Variants in TRPM6 observed in about 807,000 individuals in gnomAD.
The protein encoded by TRPM6 is channel kinase 2.
A neutral mutation model predicts 247.6 loss-of-function variants in TRPM6; 111 were observed. That is an observed-to-expected ratio of 0.45 (90% CI 0.38 to 0.52). TRPM6 has a LOEUF of 0.52. Among genes scored for constraint, TRPM6 ranks in the 20% least tolerant of loss-of-function variants. The pLI, the probability that TRPM6 is intolerant of heterozygous loss-of-function variation, is 0.00. For missense variants in TRPM6, 2,126 were observed against 2,421.5 expected (o/e 0.88, Z 2.56); for synonymous variants, 892 against 853.8 (o/e 1.04, Z -0.78).
chr9:74,782,614 A>G, intron 22 of TRPM6, 65 bp downstream of exon 22: 1 of 1,563,490 alleles, frequency 6.4e-7, no homozygotes, highest in Non-Finnish European at 8.8e-7. Context: ...TGTTTTTCAG[A>G]TGTATTTTAC....
chr9:74,758,548 G>C (rs1357969817), intron 27 of TRPM6, among the ~76,000 whole-genome samples: 1 of 152,072 alleles, frequency 6.6e-6, no homozygotes, highest in Non-Finnish European at 1.5e-5. Context: ...GATCACCTAA[G>C]TAGATACAGA....
At chr9:74,733,237 C>G (rs1372800015) in intron 36 of TRPM6, among the ~76,000 whole-genome samples, 1 of 151,350 alleles carries the variant, frequency 6.6e-6, no homozygotes, top group East Asian at 1.9e-4. Context: ...AAAATCTGTA[C>G]TTGTACCCCC....
intron 1 of TRPM6, among the ~76,000 whole-genome samples, chr9:74,882,677 C>T (rs1831400168): frequency 6.6e-6 from 1 of 152,160 alleles, no homozygotes; most frequent in Non-Finnish European, 1.5e-5. Context: ...TAATTTAGTA[C>T]AGCCGTTATG....
intron 9 of TRPM6, among the ~76,000 whole-genome samples, chr9:74,819,697 A>G (rs1489813746): frequency 6.6e-6 from 1 of 152,150 alleles, no homozygotes. Flanking sequence ...TTTACTCAGG[A>G]CGCTGTGAGG....
At chr9:74,809,240 G>A (rs1454473878) in intron 13 of TRPM6, among the ~76,000 whole-genome samples, 1 of 152,164 alleles carries the variant, frequency 6.6e-6, no homozygotes, top group Admixed American at 6.5e-5. Context: ...AGGGCTGAGT[G>A]GTAGATTTCC....
At chr9:74,746,430 C>T (rs1348318738) in intron 31 of TRPM6, among the ~76,000 whole-genome samples, 1 of 152,098 alleles carries the variant, frequency 6.6e-6, no homozygotes, top group Non-Finnish European at 1.5e-5. Context: ...AGTGCTGGAA[C>T]ATTTTGTTTG....
At chr9:74,740,859 A>G (rs1028166832) in intron 33 of TRPM6, among the ~76,000 whole-genome samples, 15 of 152,154 alleles carry the variant, frequency 9.9e-5, no homozygotes, top group African/African-American at 3.6e-4. Context: ...GCTTTATATC[A>G]TAAAAAAACT....
intron 31 of TRPM6, 97 bp from the exon 32 acceptor site, chr9:74,744,242 A>C (rs1825959795): frequency 7.6e-7 from 1 of 1,308,118 alleles, no homozygotes; most frequent in East Asian, 2.3e-5. Context: ...TGAACAGGTT[A>C]ATCAGAATGG....
chr9:74,872,986 C>T (rs561029632), intron 1 of TRPM6, among the ~76,000 whole-genome samples: 1 of 152,232 alleles, frequency 6.6e-6, no homozygotes, highest in South Asian at 2.1e-4. Context: ...TCCAAGGGCT[C>T]GTCATTATTC....
chr9:74,809,581 A>C (rs1330170657), intron 13 of TRPM6, among the ~76,000 whole-genome samples: 2 of 152,120 alleles, frequency 1.3e-5, no homozygotes, highest in African/African-American at 4.8e-5. Context: ...TTTTCAGTTT[A>C]CTGTGGCACA....
Position 74,812,372 on chromosome 9 carries a change from T to G in TRPM6, c.1370A>C (p.Lys457Thr). The change falls in exon 12 of 39, where the codon AAG (lysine) becomes ACG (threonine). Residue 457 changes from lysine to threonine, a missense_variant. Physicochemically the swap from Lys to Thr is moderately conservative, Grantham distance 78. Transcript: ENST00000360774. The part of the protein sequence containing the change: ...ALVMDRVDFV[K>T]LLIEYGVNLH... ...GTTCACTCCATATTCTATTAAGAGC[T>G]TCACAAAATCCACCCGATCCATCAC... 2.5e-6 allele frequency: 4 copies of G among 1,613,982 alleles called. No individual in the cohort carries two copies. The highest frequency in any genetic ancestry group is 3.4e-6 in the Non-Finnish European group (4 of 1,179,960).
Position 74,818,362 on chromosome 9 carries a change from G to C in TRPM6, c.1135-1398C>G, listed in dbSNP as rs536675397. On this transcript the variant is annotated intron_variant, in intron 9 of 38. Coordinates refer to ENST00000360774, the MANE Select transcript of TRPM6 (RefSeq NM_017662.5). ...TTGTTGCCCAGGCTGGAGTGCAATG[G>C]TGCGATTTCGGCTCACCGCAACCTC... is the stretch of plus-strand genomic sequence containing the variant. 4.3e-5 allele frequency among the ~76,000 whole-genome samples: 6 copies of C among 138,516 alleles called. 1 individual carries two copies. The South Asian group carries it at 1.4e-3, about 33-fold the overall frequency. The allele number at this position is 138,516 out of a possible 152,430, so 90.9% of individuals were successfully genotyped here. A position where few individuals can be genotyped will look rare whatever the true frequency, so the allele number is the denominator to read the frequency against.
intron 3 of TRPM6, among the ~76,000 whole-genome samples, chr9:74,853,284 T>C (rs1230478837): frequency 2.0e-5 from 3 of 146,646 alleles, no homozygotes; most frequent in Non-Finnish European, 4.5e-5. Context: ...GTGAGGAGCG[T>C]CTCCGCCCGG....
rs1330764811 is a variant in TRPM6, at chr9:74,840,132, T to C, written c.436A>G (p.Ile146Val). The part of the protein sequence containing the change: ...PKLVISVHGG[I>V]QNFTMPSKFK... ...TTAGAGGGCATAGTAAAGTTCTGGA[T>C]GCCCCCATGGACTGAGATCACAAGC... The change falls in exon 5 of 39, where the codon ATC becomes GTC. Residue 146 changes from isoleucine to valine, a missense_variant. Ile to Val is a conservative substitution (Grantham distance 29, BLOSUM62 3). This residue lies in a region of TRPM6 where 1,082 missense variants were observed against 1,307.9 expected (regional missense o/e 0.83). Coordinates refer to ENST00000360774, the MANE Select transcript of TRPM6 (RefSeq NM_017662.5). The C allele has an allele frequency of 1.9e-6, 3 of 1,614,084 alleles. No individual in the cohort carries two copies. The East Asian group carries it at 6.7e-5, about 36-fold the overall frequency.
rs374471183 is a variant in TRPM6 at position 74,788,790 on chromosome 9, G to A, written c.2539-48C>T. On this transcript the variant is annotated intron_variant, in intron 19 of 38. Transcript: ENST00000360774. ...CCAGATGTGAGTGAGAGCAAGCATGGAGCATGCCAAGGAGACGCAGATGGA... is the reference window on the plus strand; with the variant it reads ...CCAGATGTGAGTGAGAGCAAGCATGAAGCATGCCAAGGAGACGCAGATGGA... The A allele has an allele frequency of 1.8e-5, 29 of 1,607,822 alleles. No homozygotes were observed. The African/African-American group carries it at 3.6e-4, about 20-fold the overall frequency.
intron 23 of TRPM6, 118 bp downstream of exon 23, chr9:74,782,238 CAATAAT>C: frequency 1.4e-6 from 1 of 703,468 alleles, no homozygotes; most frequent in South Asian, 1.8e-5. Context: ...TATTTCAAAA[CAATAAT>C]AATAAATATA....
chr9:74,728,369 A>G (rs750195867), intron 37 of TRPM6, 24 bp from the exon 38 acceptor site: 20 of 1,498,912 alleles, frequency 1.3e-5, no homozygotes, highest in South Asian at 2.3e-5. Context: ...CAGAATATCA[A>G]TTAGATCACA....
intron 23 of TRPM6, among the ~76,000 whole-genome samples, chr9:74,777,386 T>C (rs1046596775): frequency 6.6e-6 from 1 of 152,218 alleles, no homozygotes; most frequent in Non-Finnish European, 1.5e-5. Flanking sequence ...TCACTTTGTA[T>C]GGTCTTCAGT....
At position 74,816,757 on chromosome 9, in the gene TRPM6, G is replaced by A. The variant is rs1828946826; in HGVS notation, c.1220C>T (p.Ser407Leu). 6.2e-7 allele frequency: 1 copy of A among 1,614,146 alleles called. No homozygotes were observed. The highest frequency in any genetic ancestry group is 1.7e-5 in the Admixed American group (1 of 60,024). ...TGCCAGATTTAATTGCTCTGACGCT[G>A]ATAAATTTGTGCCTAGGGTAAAAGA... Reference protein sequence around the residue: ...LTALLKGTNLSASEQLNLAMA... With the variant: ...LTALLKGTNLLASEQLNLAMA... The change falls in exon 11 of 39, where the codon TCA becomes TTA. Residue 407 changes from serine (S) to leucine (L), a missense_variant. By Grantham distance (145) the Ser-to-Leu change is moderately radical (BLOSUM62 -2). Coordinates refer to ENST00000360774, the MANE Select transcript of TRPM6 (RefSeq NM_017662.5).
Sources: gnomAD v4.1 joint callset for allele counts (sites outside exome capture counted in the v4.1 genomes callset) on GRCh38, gnomAD v4.1.1 for gene constraint, gnomAD v4.1.1 regional missense constraint, MANE v1.5 for transcripts, NCBI Gene and HGNC (gene_info 2026-07-23, HGNC 2026-07-21) for gene names.